SNX7: variants seen among roughly 807,000 people sequenced by gnomAD.
SNX7 encodes the protein sorting nexin 7.
SNX7 carries 35 observed loss-of-function variants against 48.4 expected under a neutral mutation model. The observed-to-expected ratio is 0.72, with a 90% CI of 0.55 to 0.96. The LOEUF is 0.96. Ranked by LOEUF, SNX7 falls within the 40% of genes least tolerant of loss-of-function variation. The probability of loss-of-function intolerance (pLI) is 0.00; values close to 1 mark genes in which losing one functional copy is unlikely to be tolerated. For missense variants in SNX7, 553 were observed against 548.9 expected (o/e 1.01, Z -0.07); for synonymous variants, 190 against 190.2 (o/e 1.00, Z 0.01).
chr1:98,711,815 G>C (rs1020735082), intron 7 of SNX7, among the ~76,000 whole-genome samples: 1 of 152,174 alleles, frequency 6.6e-6, no homozygotes. Flanking sequence ...ATGCAATGTT[G>C]TTTGATAGCA....
At position 98,729,671 on chromosome 1, in the gene SNX7, T is replaced by A. The variant is rs1330694407; in HGVS notation, c.1126-8566T>A. ...AACTAAGAAATCTAGAAGAAACTGA[T>A]AAATTCCTGGATACCTAGACACTTT... On this transcript the variant is annotated intron_variant, in intron 7 of 8. Transcript: ENST00000306121. 2.0e-5 allele frequency among the ~76,000 whole-genome samples: 3 copies of A among 152,224 alleles called. No individual in the cohort carries two copies. In the South Asian group the frequency reaches 6.2e-4, roughly 32 times the overall value.
chr1:98,670,854 A>T (rs544134153), intron 1 of SNX7, among the ~76,000 whole-genome samples: 1 of 138,872 alleles, frequency 7.2e-6, no homozygotes, highest in Admixed American at 7.7e-5. Context: ...CAGCTCTTTT[A>T]TGTAGAGACA....
chr1:98,662,074 C>G, intron 1 of SNX7, 163 bp downstream of exon 1: 2 of 671,808 alleles, frequency 3.0e-6, no homozygotes, highest in Non-Finnish European at 4.2e-6. Flanking sequence ...CCTGCCAGCT[C>G]TGGCCGCACC....
At chr1:98,691,234 G>C in intron 3 of SNX7, 49 bp downstream of exon 3, 1 of 1,201,034 alleles carries the variant, frequency 8.3e-7, no homozygotes, top group Non-Finnish European at 1.2e-6. Flanking sequence ...CAGTTTTCTA[G>C]TGAGTCTTTT....
chr1:98,676,332 T>A (rs1650165175), intron 1 of SNX7, among the ~76,000 whole-genome samples: 1 of 152,188 alleles, frequency 6.6e-6, no homozygotes, highest in Admixed American at 6.5e-5. Flanking sequence ...ATAAAATGAT[T>A]TATTTCACTG....
chr1:98,684,717 G>T (rs1185024902), intron 1 of SNX7, among the ~76,000 whole-genome samples, 168 bp from the exon 2 acceptor site: 1 of 152,078 alleles, frequency 6.6e-6, no homozygotes, highest in Non-Finnish European at 1.5e-5. Flanking sequence ...TTTTGGGTGG[G>T]ATTTTCAAGA....
At chr1:98,661,627 GC>G (rs1490229623), upstream of SNX7, 1 of 1,034,918 alleles carries the variant, frequency 9.7e-7, no homozygotes, top group Non-Finnish European at 1.2e-6. Flanking sequence ...AGGGGCTGGA[GC>G]GGGGCCGGCC....
At chr1:98,713,094 G>GGAAAAA (rs1652401438) in intron 7 of SNX7, among the ~76,000 whole-genome samples, 3 of 129,854 alleles carry the variant, frequency 2.3e-5, no homozygotes, top group Non-Finnish European at 4.8e-5. Context: ...TCTGTCTCAG[G>GGAAAAA]AAAAAAAAAA....
chr1:98,670,660 G>T (rs570953994), intron 1 of SNX7, among the ~76,000 whole-genome samples: 3 of 152,236 alleles, frequency 2.0e-5, no homozygotes, highest in South Asian at 4.1e-4. Context: ...ATGAAGTAGG[G>T]TATATGATCT....
intron 7 of SNX7, among the ~76,000 whole-genome samples, chr1:98,717,069 A>C (rs945868091): frequency 6.6e-6 from 1 of 152,070 alleles, no homozygotes; most frequent in Admixed American, 6.6e-5. Flanking sequence ...AATGCTTTGA[A>C]ATACATAGAG....
Position 98,760,099 on chromosome 1 carries a change from C to T in SNX7, c.1324C>T (p.His442Tyr), listed in dbSNP as rs1050869325. 6.2e-7 allele frequency: 1 copy of T among 1,610,188 alleles called. No individual in the cohort carries two copies. Among genetic ancestry groups the T allele is most frequent in the Non-Finnish European group, 8.5e-7 (1 of 1,176,890 alleles). ...ESFLTSQTNLHLEEASEDKP is the reference protein window; with the variant it reads ...ESFLTSQTNLYLEEASEDKP ...ATTCCTTACATCACAGACCAACCTT[C>T]ACTTGGAAGAAGCCTCTGAAGATAA... Residue 442 changes from histidine to tyrosine, a missense_variant, in exon 9 of 9, where the codon CAC (histidine) becomes TAC (tyrosine). Physicochemically the swap from His to Tyr is moderately conservative, Grantham distance 83. Transcript: ENST00000306121.
chr1:98,750,121 TATC>T (rs926624180), intron 8 of SNX7, among the ~76,000 whole-genome samples: 34 of 151,966 alleles, frequency 2.2e-4, no homozygotes, highest in African/African-American at 8.0e-4. Flanking sequence ...TAATAATAAG[TATC>T]ATTATTATTA....
intron 1 of SNX7, among the ~76,000 whole-genome samples, chr1:98,676,399 C>A (rs1230411833): frequency 6.6e-6 from 1 of 152,118 alleles, no homozygotes; most frequent in Non-Finnish European, 1.5e-5. Context: ...ATTAATCCAA[C>A]TGAAATTTGT....
intron 7 of SNX7, among the ~76,000 whole-genome samples, chr1:98,711,788 A>G (rs1652322482): frequency 6.6e-6 from 1 of 152,196 alleles, no homozygotes; most frequent in Non-Finnish European, 1.5e-5. Context: ...TCCTTTCACC[A>G]GTGAATTCCC....
rs967368776 is a variant in SNX7 at position 98,674,629 on chromosome 1, T to C, written c.181-10256T>C. On this transcript the variant is annotated intron_variant, in intron 1 of 8. Transcript: ENST00000306121. Reference sequence around the variant, plus strand: ...TTGGGCTTCAGCATATAAATTTGGGTGAGGGAACAATTCAACCCATAACAA... The same window carrying C: ...TTGGGCTTCAGCATATAAATTTGGGCGAGGGAACAATTCAACCCATAACAA... Among the ~76,000 whole-genome samples, 5 of 152,268 alleles carry C rather than the reference T, an allele frequency of 3.3e-5. No homozygotes were observed. In the East Asian group the frequency reaches 5.8e-4, roughly 18 times the overall value.
At chr1:98,683,377 G>C (rs185746987) in intron 1 of SNX7, among the ~76,000 whole-genome samples, 5 of 152,230 alleles carry the variant, frequency 3.3e-5, no homozygotes, top group Admixed American at 3.3e-4. Context: ...GATCAGCTAA[G>C]AGAGGAAACT....
At chr1:98,675,369 GT>G (rs1650105178) in intron 1 of SNX7, among the ~76,000 whole-genome samples, 1 of 152,104 alleles carries the variant, frequency 6.6e-6, no homozygotes. Context: ...GTGATTCATA[GT>G]AATTTAAATC....
chr1:98,684,244 C>T (rs557998015), intron 1 of SNX7, among the ~76,000 whole-genome samples: 1 of 152,298 alleles, frequency 6.6e-6, no homozygotes, highest in African/African-American at 2.4e-5. Flanking sequence ...TGGCACATTT[C>T]GTTTACCATA....
chr1:98,734,601 A>T (rs573288501), intron 7 of SNX7, among the ~76,000 whole-genome samples: 1 of 152,180 alleles, frequency 6.6e-6, no homozygotes, highest in Non-Finnish European at 1.5e-5. Context: ...TATGGAAAGC[A>T]TATAGCCAAT....
Sources: allele counts gnomAD v4.1 joint callset (sites outside exome capture counted in the v4.1 genomes callset), GRCh38; gene constraint gnomAD v4.1.1; transcripts MANE v1.5; gene names NCBI Gene and HGNC (gene_info 2026-07-23, HGNC 2026-07-21).